The following ATRNL1 variants were observed in gnomAD, a reference collection of about 807,000 sequenced individuals.
ATRNL1 encodes attractin like 1, also known as attractin-like protein 1.
In ATRNL1, 95 loss-of-function variants were observed where a neutral mutation model predicts 182.7. That is an observed-to-expected ratio of 0.52 (90% CI 0.44 to 0.62). The LOEUF (loss-of-function observed/expected upper bound fraction) is 0.62. Among genes scored for constraint, ATRNL1 ranks in the 20% least tolerant of loss-of-function variants. ATRNL1 has a pLI of 0.00. For synonymous variants in ATRNL1, 576 were observed against 568.3 expected (o/e 1.01, Z -0.19); for missense variants, 1,471 against 1,679.5 (o/e 0.88, Z 2.17).
intron 23 of ATRNL1, among the ~76,000 whole-genome samples, chr10:115,467,659 C>T (rs1848116805): frequency 6.6e-6 from 1 of 150,590 alleles, no homozygotes; most frequent in African/African-American, 2.4e-5. Flanking sequence ...ATGCTGATTA[C>T]AGTAAACATC....
intron 27 of ATRNL1, among the ~76,000 whole-genome samples, chr10:115,730,233 G>A (rs1346164960): frequency 8.0e-6 from 1 of 124,666 alleles, no homozygotes; most frequent in Non-Finnish European, 1.6e-5. Flanking sequence ...CTCCAGCCTG[G>A]GCAACAGAGT....
intron 21 of ATRNL1, among the ~76,000 whole-genome samples, chr10:115,441,492 C>T (rs1446007406): frequency 6.6e-6 from 1 of 151,946 alleles, no homozygotes; most frequent in Non-Finnish European, 1.5e-5. Flanking sequence ...TTTTCCTACT[C>T]TGTCACTGAC....
chr10:115,151,830 G>A (rs372091786), intron 5 of ATRNL1, among the ~76,000 whole-genome samples: 1 of 152,042 alleles, frequency 6.6e-6, no homozygotes, highest in African/African-American at 2.4e-5. Flanking sequence ...TTTCTTCTAG[G>A]GTTTTTATAG....
At chr10:115,135,199 G>A (rs1250394667) in intron 5 of ATRNL1, among the ~76,000 whole-genome samples, 1 of 152,214 alleles carries the variant, frequency 6.6e-6, no homozygotes, top group East Asian at 1.9e-4. Context: ...AATCAGGCAG[G>A]AGAAAGAAAT....
At chr10:115,328,678 G>A (rs1855046267) in intron 18 of ATRNL1, among the ~76,000 whole-genome samples, 1 of 151,964 alleles carries the variant, frequency 6.6e-6, no homozygotes, top group Non-Finnish European at 1.5e-5. Context: ...AGATCATGTG[G>A]TGATTGTCTT....
intron 27 of ATRNL1, among the ~76,000 whole-genome samples, chr10:115,751,670 G>A (rs1277948023): frequency 2.0e-5 from 3 of 152,030 alleles, no homozygotes; most frequent in African/African-American, 7.2e-5. Context: ...TGAAAGAAGT[G>A]TGGTATTACG....
chr10:115,897,326 G>A (rs782745233), intron 28 of ATRNL1, among the ~76,000 whole-genome samples: 23 of 152,156 alleles, frequency 1.5e-4, no homozygotes, highest in African/African-American at 4.6e-4. Flanking sequence ...ATGCTCATGC[G>A]TTGTTGGAGG....
intron 17 of ATRNL1, among the ~76,000 whole-genome samples, chr10:115,313,254 A>G (rs1854125427): frequency 1.3e-5 from 2 of 151,944 alleles, no homozygotes; most frequent in Non-Finnish European, 2.9e-5. Flanking sequence ...TTATTTCTGT[A>G]GGTTCTTATA....
intron 1 of ATRNL1, among the ~76,000 whole-genome samples, chr10:115,113,631 ATG>A (rs1327102193): frequency 6.6e-6 from 1 of 152,136 alleles, no homozygotes; most frequent in African/African-American, 2.4e-5. Flanking sequence ...GCTGCCATCC[ATG>A]TAAGACATGA....
At chr10:115,688,181 G>GTA (rs781920314) in intron 26 of ATRNL1, among the ~76,000 whole-genome samples, 5 of 152,086 alleles carry the variant, frequency 3.3e-5, no homozygotes, top group South Asian at 2.1e-4. Context: ...ATTCCATTGT[G>GTA]TATATATATA....
At chr10:115,180,267 A>G (rs1847699239) in intron 8 of ATRNL1, among the ~76,000 whole-genome samples, 1 of 152,140 alleles carries the variant, frequency 6.6e-6, no homozygotes, top group Non-Finnish European at 1.5e-5. Context: ...GCTTTATCAC[A>G]TATACATGTG....
intron 26 of ATRNL1, among the ~76,000 whole-genome samples, chr10:115,564,729 A>C (rs1572400): frequency 0.63 from 94,907 of 151,570 alleles, 30,793 homozygotes; most frequent in Non-Finnish European, 0.71. Context: ...ATAGCCAATC[A>C]GTGTTATCAG....
intron 13 of ATRNL1, among the ~76,000 whole-genome samples, chr10:115,271,219 TGAG>T (rs1851848851): frequency 6.8e-6 from 1 of 146,548 alleles, no homozygotes; most frequent in Non-Finnish European, 1.5e-5. Flanking sequence ...CTTAGCAAAA[TGAG>T]GAGGAAATAC....
chr10:115,759,839 C>CTTTTTTTTT (rs1565354358), intron 27 of ATRNL1, among the ~76,000 whole-genome samples: 6 of 88,426 alleles, frequency 6.8e-5, no homozygotes, highest in African/African-American at 2.8e-4. Context: ...CCACACCTGG[C>CTTTTTTTTT]TATTTTTTTT....
intron 1 of ATRNL1, among the ~76,000 whole-genome samples, 166 bp downstream of exon 1, chr10:115,094,209 C>A (rs1554862567): frequency 6.6e-6 from 1 of 151,602 alleles, no homozygotes; most frequent in African/African-American, 2.4e-5. Context: ...GCCCGCGCCG[C>A]GCCCCCTCCA....
chr10:115,186,556 A>G (rs1847949196), intron 8 of ATRNL1, among the ~76,000 whole-genome samples: 1 of 152,138 alleles, frequency 6.6e-6, no homozygotes, highest in African/African-American at 2.4e-5. Flanking sequence ...TGTCATTTGC[A>G]CCATTGATGG....
intron 28 of ATRNL1, among the ~76,000 whole-genome samples, chr10:115,850,526 C>T (rs574063771): frequency 6.6e-6 from 1 of 151,466 alleles, no homozygotes; most frequent in South Asian, 2.1e-4. Context: ...ATTTGGGAAC[C>T]ATATTGGCTC....
intron 18 of ATRNL1, among the ~76,000 whole-genome samples, chr10:115,324,829 A>G (rs567819002): frequency 4.1e-4 from 63 of 152,248 alleles, no homozygotes; most frequent in Non-Finnish European, 7.9e-4. Context: ...TTTGGAACCC[A>G]TGCCTCCTAG....
intron 28 of ATRNL1, among the ~76,000 whole-genome samples, chr10:115,885,541 G>A (rs1555109559): frequency 6.6e-6 from 1 of 152,188 alleles, no homozygotes; most frequent in African/African-American, 2.4e-5. Flanking sequence ...GTTTTCATCT[G>A]ATCACAATGC....
Sources: allele counts gnomAD v4.1 joint callset (sites outside exome capture counted in the v4.1 genomes callset), GRCh38; gene constraint gnomAD v4.1.1; transcripts MANE v1.5; gene names NCBI Gene and HGNC (gene_info 2026-07-23, HGNC 2026-07-21).